ANKRD45: variants seen among roughly 807,000 people sequenced by gnomAD.
ANKRD45 encodes ankyrin repeat domain 45.
Under a neutral mutation model 28.1 loss-of-function variants are expected in ANKRD45, and 21 were observed. The ratio of observed to expected loss-of-function variants is 0.75; its 90% CI spans 0.53 to 1.08. The LOEUF (loss-of-function observed/expected upper bound fraction) is 1.08. Ranked by LOEUF, ANKRD45 falls within the 50% of genes least tolerant of loss-of-function variation. The probability of loss-of-function intolerance (pLI) is 0.00; values close to 1 mark genes in which losing one functional copy is unlikely to be tolerated. For missense variants in ANKRD45, 261 were observed against 308.7 expected (o/e 0.85, Z 1.16); for synonymous variants, 86 against 103.9 (o/e 0.83, Z 1.05).
upstream of ANKRD45, among the ~76,000 whole-genome samples, chr1:173,673,436 A>C (rs1390800832): frequency 6.6e-6 from 1 of 152,066 alleles, no homozygotes. Flanking sequence ...TCATAGACTG[A>C]GTCATGTCCG....
chr1:173,636,748 A>G (rs1668462095), intron 3 of ANKRD45: 2 of 989,354 alleles, frequency 2.0e-6, no homozygotes. Flanking sequence ...TTTAATTTGA[A>G]CTATATTATT....
chr1:173,657,625 C>CTTCTTTTTTTT (rs1669595690), intron 2 of ANKRD45: 1 of 70,694 alleles, frequency 1.4e-5, no homozygotes, highest in Non-Finnish European at 2.7e-5. Flanking sequence ...TCTTCTTCTT[C>CTTCTTTTTTTT]TTTTTTTTTT....
At chr1:173,702,072 A>G in the ANKRD45 span, among the ~76,000 whole-genome samples, 1 of 152,218 alleles carries the variant, frequency 6.6e-6, no homozygotes, top group African/African-American at 2.4e-5. Flanking sequence ...GAAATAGCAG[A>G]AAAGTGTATG....
intron 3 of ANKRD45, among the ~76,000 whole-genome samples, chr1:173,646,541 CTTGAACATACATA>C (rs1198188172): frequency 6.6e-6 from 1 of 152,084 alleles, no homozygotes; most frequent in Non-Finnish European, 1.5e-5. Flanking sequence ...AAAAAATGGC[CTTGAACATACATA>C]TTGAACATAC....
the ANKRD45 span, among the ~76,000 whole-genome samples, chr1:173,691,399 GC>G: frequency 6.6e-6 from 1 of 152,142 alleles, no homozygotes; most frequent in Non-Finnish European, 1.5e-5. Flanking sequence ...TCACAGGCGA[GC>G]CCCCAAATTG....
At position 173,640,465 on chromosome 1, in the gene ANKRD45, G is replaced by A. The variant is rs147810680; in HGVS notation, c.496+6381C>T. ...CTCTAGTTAAGAAAGCAGCTTCCTC[G>A]TCAGAATCATGGGTTGCTGTACCAG... On this transcript the variant is annotated intron_variant, in intron 3 of 5. Transcript: ENST00000333279. Among the ~76,000 whole-genome samples the A allele has an allele frequency of 2.1e-3, 325 of 152,066 alleles. 3 individuals carry two copies. Among genetic ancestry groups the A allele is most frequent in the Middle Eastern group, 0.014 (4 of 294 alleles).
At chr1:173,673,396 A>T (rs1192578623), upstream of ANKRD45, among the ~76,000 whole-genome samples, 1 of 152,126 alleles carries the variant, frequency 6.6e-6, no homozygotes, top group East Asian at 1.9e-4. Context: ...TACAGGCATG[A>T]ACCACCACAC....
At chr1:173,614,358 C>T (rs887811539) in intron 5 of ANKRD45, among the ~76,000 whole-genome samples, 6 of 152,264 alleles carry the variant, frequency 3.9e-5, no homozygotes, top group Admixed American at 1.3e-4. Flanking sequence ...AGGGGCTCTA[C>T]GGCCACTATT....
At chr1:173,632,891 G>A (rs890464998) in intron 3 of ANKRD45, among the ~76,000 whole-genome samples, 4 of 151,998 alleles carry the variant, frequency 2.6e-5, no homozygotes, top group East Asian at 1.9e-4. Flanking sequence ...CACAGCTGGT[G>A]TCATATAGAA....
intron 1 of ANKRD45, among the ~76,000 whole-genome samples, chr1:173,666,685 C>T (rs776644787): frequency 6.6e-6 from 1 of 152,126 alleles, no homozygotes; most frequent in Non-Finnish European, 1.5e-5. Context: ...GTTTAATCCG[C>T]AGATACAGAG....
At chr1:173,614,198 T>C (rs529571819) in intron 5 of ANKRD45, among the ~76,000 whole-genome samples, 1 of 152,104 alleles carries the variant, frequency 6.6e-6, no homozygotes, top group Non-Finnish European at 1.5e-5. Flanking sequence ...TCTGCTGACC[T>C]TCCCTGCACT....
At chr1:173,657,914 T>G (rs1180602735) in intron 2 of ANKRD45, 3 of 152,144 alleles carry the variant, frequency 2.0e-5, no homozygotes, top group Admixed American at 6.5e-5. Flanking sequence ...AATATATGTA[T>G]TATACTAGAA....
At chr1:173,665,398 T>G (rs1669963488) in intron 1 of ANKRD45, among the ~76,000 whole-genome samples, 1 of 152,200 alleles carries the variant, frequency 6.6e-6, no homozygotes, top group Non-Finnish European at 1.5e-5. Context: ...ATAAATAATT[T>G]TCTACCCTAC....
At chr1:173,651,875 T>C (rs1011801223) in intron 2 of ANKRD45, among the ~76,000 whole-genome samples, 2 of 152,290 alleles carry the variant, frequency 1.3e-5, no homozygotes, top group Non-Finnish European at 2.9e-5. Context: ...TGGGAGTTCA[T>C]TCATGATTTG....
chr1:173,642,882 G>T (rs1040443946), intron 3 of ANKRD45, among the ~76,000 whole-genome samples: 1 of 152,176 alleles, frequency 6.6e-6, no homozygotes, highest in Non-Finnish European at 1.5e-5. Context: ...GGATGCATCA[G>T]GTTATAAATG....
chr1:173,688,448 T>C, the ANKRD45 span, among the ~76,000 whole-genome samples: 7 of 100,714 alleles, frequency 7.0e-5, no homozygotes, highest in Non-Finnish European at 8.2e-5. Flanking sequence ...CTCTGCCTCT[T>C]CCTCTACCTC....
chr1:173,636,733 A>G (rs1403513955), intron 3 of ANKRD45: 1 of 892,506 alleles, frequency 1.1e-6, no homozygotes, highest in Non-Finnish European at 1.7e-6. Flanking sequence ...TATTTAGAAC[A>G]TAAATTTAAT....
chr1:173,627,377 T>C (rs569922138), intron 3 of ANKRD45, among the ~76,000 whole-genome samples: 1 of 152,068 alleles, frequency 6.6e-6, no homozygotes, highest in South Asian at 2.1e-4. Flanking sequence ...CTGAAGAGGG[T>C]AGGAAAGACA....
At chr1:173,711,858 T>C in the ANKRD45 span, among the ~76,000 whole-genome samples, 2 of 152,008 alleles carry the variant, frequency 1.3e-5, no homozygotes, top group African/African-American at 2.4e-5. Flanking sequence ...AGAAACAGAG[T>C]AGCAGAAGCA....
Sources: gnomAD v4.1 joint callset for allele counts (sites outside exome capture counted in the v4.1 genomes callset) on GRCh38, gnomAD v4.1.1 for gene constraint, MANE v1.5 for transcripts, NCBI Gene and HGNC (gene_info 2026-07-23, HGNC 2026-07-21) for gene names.